The following ZFHX3 variants were observed in gnomAD, a reference collection of about 807,000 sequenced individuals.
ZFHX3 encodes zinc finger homeobox protein 3.
ZFHX3 carries 42 observed loss-of-function variants against 279.1 expected under a neutral mutation model. The observed-to-expected ratio is 0.15, with a 90% confidence interval of 0.12 to 0.19. The LOEUF is 0.19. Ranked by LOEUF, ZFHX3 falls within the 10% of genes least tolerant of loss-of-function variation. ZFHX3 has a pLI of 1.00. For synonymous variants in ZFHX3, 2,293 were observed against 1,957.8 expected (o/e 1.17, Z -4.52); for missense variants, 4,981 against 4,754.0 (o/e 1.05, Z -1.40).
intron 1 of ZFHX3, among the ~76,000 whole-genome samples, chr16:73,700,894 T>C (rs1251176448): frequency 6.6e-6 from 1 of 152,238 alleles, no homozygotes; most frequent in Non-Finnish European, 1.5e-5. Context: ...ATTGGCCTTA[T>C]TGTGAGCAAC....
intron 3 of ZFHX3, among the ~76,000 whole-genome samples, chr16:73,449,045 C>A (rs575975147): frequency 2.0e-4 from 30 of 152,202 alleles, no homozygotes; most frequent in African/African-American, 7.2e-4. Context: ...AATTGCAACA[C>A]TGAAATATTC....
intron 5 of ZFHX3, among the ~76,000 whole-genome samples, chr16:73,193,650 G>T: frequency 6.6e-6 from 1 of 152,196 alleles, no homozygotes; most frequent in African/African-American, 2.4e-5. Flanking sequence ...ACCCCTGTCT[G>T]GGAGGAGCCT....
At chr16:72,884,311 G>A (rs533327957) in intron 4 of ZFHX3, among the ~76,000 whole-genome samples, 4 of 152,310 alleles carry the variant, frequency 2.6e-5, no homozygotes, top group South Asian at 2.1e-4. Context: ...TGCCAAAGAC[G>A]TATCTGTAAA....
At chr16:72,854,444 G>A (rs2037698367) in intron 4 of ZFHX3, among the ~76,000 whole-genome samples, 1 of 152,148 alleles carries the variant, frequency 6.6e-6, no homozygotes, top group Non-Finnish European at 1.5e-5. Context: ...AAGAGGGAAG[G>A]CTTAAAGAAT....
chr16:72,888,652 G>C (rs900614856), intron 4 of ZFHX3, among the ~76,000 whole-genome samples: 7 of 152,206 alleles, frequency 4.6e-5, no homozygotes, highest in Non-Finnish European at 8.8e-5. Flanking sequence ...GCCAAGGGAA[G>C]GCAAGGGAAG....
At chr16:73,482,350 A>C (rs1567497401) in intron 2 of ZFHX3, among the ~76,000 whole-genome samples, 1 of 152,272 alleles carries the variant, frequency 6.6e-6, no homozygotes, top group South Asian at 2.1e-4. Flanking sequence ...TCCCACTGAA[A>C]TCTAAGAGAA....
chr16:73,052,409 C>T (rs1965468266), upstream of ZFHX3, among the ~76,000 whole-genome samples: 1 of 151,658 alleles, frequency 6.6e-6, no homozygotes, highest in African/African-American at 2.4e-5. Flanking sequence ...GGATGGGGCA[C>T]AAGGCAGGAA....
rs147131884 is a variant in ZFHX3, at chr16:72,957,479, G to A, written c.2667C>T (p.Ser889=). 1,543 of 1,613,956 alleles carry A rather than the reference G, an allele frequency of 9.6e-4. 1 individual carries two copies. Among genetic ancestry groups the A allele is most frequent in the Non-Finnish European group, 1.2e-3 (1,423 of 1,179,960 alleles). ...GCCCGGCGGGATCCAGCTGGAATCC[G>A]CTCATCATGAACTGGGCGTCCGAGG... ...SAASDAQFMM[S]GFQLDPAGPM... Residue 889 remains serine, a synonymous_variant, in exon 2 of 10, where the codon AGC becomes AGT. Coordinates refer to ENST00000268489, the MANE Select transcript of ZFHX3 (RefSeq NM_006885.4).
intron 1 of ZFHX3, among the ~76,000 whole-genome samples, chr16:73,696,234 C>T (rs186038247): frequency 7.6e-4 from 115 of 152,274 alleles, no homozygotes; most frequent in Admixed American, 2.1e-3. Flanking sequence ...CAAACAAAAA[C>T]GAACAAGTCA....
chr16:73,046,299 G>C (rs1397473654), intron 1 of ZFHX3, among the ~76,000 whole-genome samples: 5 of 152,168 alleles, frequency 3.3e-5, no homozygotes, highest in Non-Finnish European at 5.9e-5. Context: ...TTTCATGTTT[G>C]AGTAGCAAGA....
chr16:73,727,724 T>C (rs904756076), intron 1 of ZFHX3, among the ~76,000 whole-genome samples: 8 of 152,334 alleles, frequency 5.3e-5, no homozygotes, highest in Admixed American at 2.0e-4. Context: ...TCTGCTTTTC[T>C]GTCTTCTCCA....
chr16:73,528,335 C>T lies in ZFHX3; in HGVS notation c.-1546-72077G>A, dbSNP rs980779583. Among the ~76,000 whole-genome samples the T allele has an allele frequency of 2.0e-5, 3 of 152,326 alleles. No homozygotes were observed. In the East Asian group the frequency reaches 5.8e-4, roughly 29 times the overall value. On this transcript the variant is annotated intron_variant, in intron 2 of 17. Coordinates refer to the ZFHX3 transcript ENST00000641206. Reference sequence around the variant, plus strand: ...TCCTTGATGGATATCAATAGCAGTACTAGCCAACAAATTTGCAAAGATAAC... The same window carrying T: ...TCCTTGATGGATATCAATAGCAGTATTAGCCAACAAATTTGCAAAGATAAC...
chr16:73,604,919 AT>A (rs1046681021), intron 2 of ZFHX3, among the ~76,000 whole-genome samples: 2 of 151,740 alleles, frequency 1.3e-5, no homozygotes, highest in African/African-American at 2.4e-5. Context: ...AAGAAAGTCC[AT>A]TTTTTTTCAC....
At chr16:73,747,840 T>C (rs2053718233) in intron 1 of ZFHX3, among the ~76,000 whole-genome samples, 1 of 152,154 alleles carries the variant, frequency 6.6e-6, no homozygotes, top group Non-Finnish European at 1.5e-5. Flanking sequence ...TGTTATTAAA[T>C]GATGTCAATA....
In ZFHX3 at chr16:73,824,186, A is replaced by G. The variant is rs373697209; in HGVS notation, c.-1608+67465T>C. Among the ~76,000 whole-genome samples the G allele has an allele frequency of 6.0e-4, 91 of 152,328 alleles. 3 individuals carry two copies. In the South Asian group the frequency reaches 0.019, roughly 31 times the overall value. ...ATCCTACTGTGCTTTGGAAATCTCC[A>G]GGAGAAAAAGTTATGTTGCGTGTCT... is the stretch of plus-strand genomic sequence containing the variant. On this transcript the variant is annotated intron_variant, in intron 1 of 17. Coordinates refer to the ZFHX3 transcript ENST00000641206.
intron 1 of ZFHX3, among the ~76,000 whole-genome samples, chr16:73,012,273 G>C (rs1261200246): frequency 6.6e-6 from 1 of 152,170 alleles, no homozygotes; most frequent in Non-Finnish European, 1.5e-5. Context: ...CAACCTCTGT[G>C]CTGGGAAGTG....
intron 8 of ZFHX3, among the ~76,000 whole-genome samples, chr16:73,084,776 T>A (rs1002049773): frequency 2.0e-5 from 3 of 152,078 alleles, no homozygotes; most frequent in Non-Finnish European, 4.4e-5. Flanking sequence ...CACCTCAGCC[T>A]CCCAAAATGC....
intron 2 of ZFHX3, among the ~76,000 whole-genome samples, chr16:73,515,458 GAGAT>G (rs140319930): frequency 0.058 from 8,825 of 151,108 alleles, 907 homozygotes; most frequent in African/African-American, 0.2. Context: ...GAGAAAGAGA[GAGAT>G]AGATAAGAGA....
At chr16:72,903,209 C>G (rs928892982) in intron 3 of ZFHX3, among the ~76,000 whole-genome samples, 2 of 152,180 alleles carry the variant, frequency 1.3e-5, no homozygotes, top group Non-Finnish European at 2.9e-5. Context: ...AAGGGCAGGT[C>G]CCGCCAAGAA....
Sources: gnomAD v4.1 joint callset for allele counts (sites outside exome capture counted in the v4.1 genomes callset) on GRCh38, gnomAD v4.1.1 for gene constraint, MANE v1.5 for transcripts, NCBI Gene and HGNC (gene_info 2026-07-23, HGNC 2026-07-21) for gene names.